The following PUS10 variants were observed in gnomAD, a reference collection of about 807,000 sequenced individuals.
PUS10 encodes pseudouridine synthase 10.
PUS10 carries 59 observed loss-of-function variants against 75.0 expected under a neutral mutation model. That is an observed-to-expected ratio of 0.79 (90% CI 0.64 to 0.98). The LOEUF (loss-of-function observed/expected upper bound fraction) is 0.98, where lower values mean the gene tolerates loss of function less well. Ranked by LOEUF, PUS10 falls within the 50% of genes least tolerant of loss-of-function variation. The pLI is 0.00. For missense variants in PUS10, 650 were observed against 614.4 expected (o/e 1.06, Z -0.61); for synonymous variants, 219 against 211.6 (o/e 1.03, Z -0.30).
At chr2:60,960,362 A>T in intron 11 of PUS10, 30 bp downstream of exon 11, 1 of 1,465,132 alleles carries the variant, frequency 6.8e-7, no homozygotes, top group Non-Finnish European at 9.0e-7. Context: ...AAAAAAAAAG[A>T]AAGAAAAGTA....
chr2:60,944,436 C>G (rs1469384682), intron 17 of PUS10, among the ~76,000 whole-genome samples: 1 of 152,186 alleles, frequency 6.6e-6, no homozygotes, highest in Non-Finnish European at 1.5e-5. Flanking sequence ...GGGGGAGGTA[C>G]TCTATTCCTA....
chr2:60,943,487 C>A (rs909483256), intron 17 of PUS10, among the ~76,000 whole-genome samples: 6 of 145,364 alleles, frequency 4.1e-5, no homozygotes, highest in African/African-American at 1.6e-4. Flanking sequence ...AAAAAAAAAA[C>A]CCACCGTATC....
At chr2:60,944,938 CTTAA>C in intron 17 of PUS10, 67 bp downstream of exon 17, 2 of 1,117,138 alleles carry the variant, frequency 1.8e-6, no homozygotes, top group Non-Finnish European at 2.7e-6. Context: ...ACTAAAATGG[CTTAA>C]TGCCAAAGAG....
At chr2:60,984,701 C>G (rs1365411588) in intron 4 of PUS10, among the ~76,000 whole-genome samples, 1 of 152,142 alleles carries the variant, frequency 6.6e-6, no homozygotes, top group Non-Finnish European at 1.5e-5. Context: ...TTAAGAAATT[C>G]TGATTTAACC....
Position 60,965,479 on chromosome 2 carries a change from CA to C in PUS10, c.620del (p.Leu207CysfsTer4). The C allele has an allele frequency of 6.2e-7, 1 of 1,603,270 alleles. No homozygotes were observed. Among genetic ancestry groups the C allele is most frequent in the Non-Finnish European group, 8.5e-7 (1 of 1,176,610 alleles). On this transcript the variant is annotated frameshift_variant, in exon 7 of 18. Coordinates refer to ENST00000316752, the MANE Select transcript of PUS10 (RefSeq NM_144709.4). LOFTEE classifies it high-confidence loss of function. ...GAGCAAAGACCACACTCACTTCAAA[CA>C]AGCTCTAAAAATTATAAAGACAGTT... ...ELGVPIDGKS[L>X]FEVSVVFAHP...
chr2:61,015,799 A>G (rs1341485134), intron 1 of PUS10, among the ~76,000 whole-genome samples: 1 of 152,218 alleles, frequency 6.6e-6, no homozygotes, highest in Non-Finnish European at 1.5e-5. Context: ...ACTTTGATGC[A>G]GAGAAGAGAT....
chr2:60,992,042 C>T (rs1284376174), intron 4 of PUS10, among the ~76,000 whole-genome samples: 5 of 146,008 alleles, frequency 3.4e-5, no homozygotes, highest in African/African-American at 5.1e-5. Flanking sequence ...GACAGGGTTT[C>T]GCTCTGTCAC....
chr2:60,944,952 G>A (rs906716357), intron 17 of PUS10, 57 bp downstream of exon 17: 5 of 1,276,438 alleles, frequency 3.9e-6, no homozygotes, highest in South Asian at 3.6e-5. Flanking sequence ...ATGCCAAAGA[G>A]CATAACTTTG....
intron 2 of PUS10, chr2:61,010,974 T>C (rs376195811): frequency 1.2e-5 from 18 of 1,465,126 alleles, no homozygotes; most frequent in African/African-American, 1.1e-4. Flanking sequence ...GTAATGATAA[T>C]TGAATATTGT....
intron 17 of PUS10, chr2:60,944,252 G>A (rs764060799): frequency 9.1e-6 from 9 of 983,700 alleles, no homozygotes; most frequent in Non-Finnish European, 1.1e-5. Flanking sequence ...TACTGCAGGA[G>A]CTAATCTAAT....
intron 3 of PUS10, among the ~76,000 whole-genome samples, chr2:61,007,290 T>G (rs1033073013): frequency 6.6e-6 from 1 of 151,980 alleles, no homozygotes; most frequent in African/African-American, 2.4e-5. Flanking sequence ...AACGGCAGTG[T>G]TCCTTTCAAT....
intron 15 of PUS10, among the ~76,000 whole-genome samples, chr2:60,952,348 A>G (rs890940800): frequency 4.0e-5 from 6 of 151,894 alleles, no homozygotes; most frequent in South Asian, 2.1e-4. Flanking sequence ...AAAAAAAAAA[A>G]AAAAGAAAAA....
chr2:60,996,578 T>C (rs1282634769), intron 4 of PUS10, among the ~76,000 whole-genome samples: 4 of 150,528 alleles, frequency 2.7e-5, no homozygotes. Context: ...ATACACAAGA[T>C]GTAGAGATGG....
At chr2:60,989,712 G>A (rs985226662) in intron 4 of PUS10, among the ~76,000 whole-genome samples, 12 of 151,636 alleles carry the variant, frequency 7.9e-5, no homozygotes, top group African/African-American at 2.9e-4. Flanking sequence ...TCCTCCTCCT[G>A]AGCTCAAGCT....
intron 4 of PUS10, among the ~76,000 whole-genome samples, chr2:60,981,295 T>A (rs1226260673): frequency 6.6e-6 from 1 of 152,110 alleles, no homozygotes; most frequent in Non-Finnish European, 1.5e-5. Flanking sequence ...TTAAATTATT[T>A]TTTTTGAGAC....
chr2:60,959,696 C>T (rs1037071473), intron 11 of PUS10, among the ~76,000 whole-genome samples: 2 of 152,128 alleles, frequency 1.3e-5, no homozygotes, highest in African/African-American at 2.4e-5. Flanking sequence ...GCAGAGCAAT[C>T]ATCTTGAGAG....
chr2:61,011,987 C>G (rs1679637710), intron 1 of PUS10, 82 bp from the exon 2 acceptor site: 3 of 1,124,632 alleles, frequency 2.7e-6, no homozygotes, highest in Non-Finnish European at 3.7e-6. Context: ...GGGATAAAAA[C>G]TAGCTTTCAT....
At chr2:60,982,522 C>A (rs113431693) in intron 4 of PUS10, among the ~76,000 whole-genome samples, 1 of 152,118 alleles carries the variant, frequency 6.6e-6, no homozygotes, top group South Asian at 2.1e-4. Flanking sequence ...CTCAGCCTCC[C>A]AAAGTGCTGG....
chr2:60,947,684 T>C (rs1675037176), intron 16 of PUS10, among the ~76,000 whole-genome samples: 1 of 151,214 alleles, frequency 6.6e-6, no homozygotes, highest in South Asian at 2.1e-4. Flanking sequence ...AAAAAATTAG[T>C]CAGGCGTGGT....
Sources: gnomAD v4.1 joint callset for allele counts (sites outside exome capture counted in the v4.1 genomes callset) on GRCh38, gnomAD v4.1.1 for gene constraint, MANE v1.5 for transcripts, NCBI Gene and HGNC (gene_info 2026-07-23, HGNC 2026-07-21) for gene names.